Variants in PDCD10 observed in about 807,000 individuals in gnomAD.
The protein encoded by PDCD10 is programmed cell death protein 10.
PDCD10 carries 4 observed loss-of-function variants against 29.2 expected under a neutral mutation model. That is an observed-to-expected ratio of 0.14 (90% CI 0.07 to 0.31). The LOEUF is 0.31. Ranked by LOEUF, PDCD10 falls within the 10% of genes least tolerant of loss-of-function variation. PDCD10 has a pLI of 1.00. For synonymous variants in PDCD10, 70 were observed against 82.2 expected (o/e 0.85, Z 0.80); for missense variants, 183 against 257.9 (o/e 0.71, Z 1.99).
intron 2 of PDCD10, among the ~76,000 whole-genome samples, chr3:167,731,570 T>C (rs902094510): frequency 6.6e-6 from 1 of 152,220 alleles, no homozygotes; most frequent in African/African-American, 2.4e-5. Flanking sequence ...CCCAGAGAAG[T>C]GCTGGAAGCA....
intron 7 of PDCD10, 95 bp downstream of exon 7, chr3:167,687,520 A>G (rs1719747817): frequency 1.2e-6 from 1 of 824,936 alleles, no homozygotes; most frequent in African/African-American, 1.7e-5. Flanking sequence ...ACACAAAACT[A>G]TTTCCAACAA....
intron 2 of PDCD10, among the ~76,000 whole-genome samples, chr3:167,722,255 A>T (rs1270911175): frequency 6.6e-6 from 1 of 152,158 alleles, no homozygotes; most frequent in African/African-American, 2.4e-5. Context: ...AAAAAAAATT[A>T]TTTATTTAAT....
At chr3:167,717,804 T>A (rs1723167996) in intron 3 of PDCD10, among the ~76,000 whole-genome samples, 1 of 152,050 alleles carries the variant, frequency 6.6e-6, no homozygotes, top group Non-Finnish European at 1.5e-5. Context: ...ACAGAAATAA[T>A]TTTTTTAAAC....
chr3:167,696,650 A>C (rs1377687469), intron 5 of PDCD10, among the ~76,000 whole-genome samples: 1 of 152,154 alleles, frequency 6.6e-6, no homozygotes, highest in African/African-American at 2.4e-5. Context: ...AAACAACAAA[A>C]CAAAAACCTC....
intron 2 of PDCD10, among the ~76,000 whole-genome samples, chr3:167,733,768 C>T (rs569150528): frequency 5.9e-5 from 9 of 152,078 alleles, no homozygotes; most frequent in Non-Finnish European, 1.0e-4. Flanking sequence ...AAAGAATATT[C>T]TTCTAAGGAT....
At chr3:167,701,844 T>C (rs1398311824) in intron 4 of PDCD10, among the ~76,000 whole-genome samples, 1 of 152,078 alleles carries the variant, frequency 6.6e-6, no homozygotes, top group Non-Finnish European at 1.5e-5. Context: ...TGTGCATGAC[T>C]CCACAGGATT....
intron 2 of PDCD10, among the ~76,000 whole-genome samples, chr3:167,728,964 T>C (rs1724507999): frequency 6.6e-6 from 1 of 152,220 alleles, no homozygotes; most frequent in Non-Finnish European, 1.5e-5. Flanking sequence ...GGTGAACATT[T>C]GTTTGAAGAA....
intron 2 of PDCD10, among the ~76,000 whole-genome samples, chr3:167,733,869 T>TA (rs1172201907): frequency 6.6e-6 from 1 of 152,076 alleles, no homozygotes; most frequent in Non-Finnish European, 1.5e-5. Context: ...AATACACCCC[T>TA]AAAAAAAGGG....
At chr3:167,693,481 T>G (rs1427194730) in intron 6 of PDCD10, among the ~76,000 whole-genome samples, 1 of 152,152 alleles carries the variant, frequency 6.6e-6, no homozygotes, top group Admixed American at 6.5e-5. Context: ...TAATAGCATA[T>G]ACACTATATA....
rs1725156548 is a variant in PDCD10 at position 167,734,353 on chromosome 3, CAA to C, written c.-253-5_-253-4del. On this transcript the variant is annotated splice_polypyrimidine_tract_variant and splice_region_variant and intron_variant, in intron 1 of 8. Transcript: ENST00000392750. Reference sequence around the variant, plus strand: ...CCTTCTTCCAGTGCTCCTCTTCCCTCAAAGGGCATAACCCGAGTCACCCCCAA... The same window carrying C: ...CCTTCTTCCAGTGCTCCTCTTCCCTCAGGGCATAACCCGAGTCACCCCCAA... 2 of 152,746 alleles carry C rather than the reference CAA, an allele frequency of 1.3e-5. No homozygotes were observed. The highest frequency in any genetic ancestry group is 4.8e-5 in the African/African-American group (2 of 41,592). 9.5% of individuals were successfully genotyped at this position (152,746 alleles called of 1,614,324 possible). A position where few individuals can be genotyped will look rare whatever the true frequency, so the allele number is the denominator to read the frequency against.
At chr3:167,722,291 C>A (rs13083480) in intron 2 of PDCD10, among the ~76,000 whole-genome samples, 503 of 152,122 alleles carry the variant, frequency 3.3e-3, no homozygotes, top group South Asian at 6.0e-3. Flanking sequence ...CACAAAGAGG[C>A]ACGGTATTAA....
intron 3 of PDCD10, among the ~76,000 whole-genome samples, chr3:167,712,393 A>G (rs917155359): frequency 5.9e-5 from 9 of 152,086 alleles, no homozygotes; most frequent in Non-Finnish European, 4.4e-5. Flanking sequence ...ATAAGCTGAC[A>G]TCAGTTTGAA....
chr3:167,704,193 A>G (rs1011836138), intron 4 of PDCD10, among the ~76,000 whole-genome samples: 13 of 152,324 alleles, frequency 8.5e-5, no homozygotes, highest in African/African-American at 3.1e-4. Flanking sequence ...AATAGAAAGA[A>G]TACCTTTTCA....
chr3:167,709,141 T>C (rs1722281716), intron 3 of PDCD10, among the ~76,000 whole-genome samples: 3 of 151,172 alleles, frequency 2.0e-5, no homozygotes, highest in Admixed American at 2.0e-4. Context: ...TATTTTATCT[T>C]AACATGAAAA....
In PDCD10 at chr3:167,712,462, T is replaced by C. The variant is rs181392663; in HGVS notation, c.97-7567A>G. 4.0e-3 allele frequency among the ~76,000 whole-genome samples: 603 copies of C among 151,380 alleles called. 3 individuals are homozygous for C. The highest frequency in any genetic ancestry group is 6.5e-3 in the Non-Finnish European group (443 of 67,746). ...ATGATAACCTCGAAACAAAAAACAA[T>C]GTATACACCAAAAATAAAAAGCAAA... On this transcript the variant is annotated intron_variant, in intron 3 of 8. Transcript: ENST00000392750.
chr3:167,717,648 C>T (rs1723152727), intron 3 of PDCD10, among the ~76,000 whole-genome samples: 1 of 151,718 alleles, frequency 6.6e-6, no homozygotes, highest in Admixed American at 6.6e-5. Context: ...CTTTTTTAAC[C>T]AAACACCTCA....
At position 167,703,497 on chromosome 3, in the gene PDCD10, G is replaced by C. The variant is rs148500681; in HGVS notation, c.150+1345C>G. On this transcript the variant is annotated intron_variant, in intron 4 of 8. Transcript: ENST00000392750. Reference sequence around the variant, plus strand: ...AGAAAAGAGTGTTATCAATAAACTTGTGTGACATGGAAGAAATCAAGCAGA... The same window carrying C: ...AGAAAAGAGTGTTATCAATAAACTTCTGTGACATGGAAGAAATCAAGCAGA... Among the ~76,000 whole-genome samples, 542 of 152,058 alleles carry C rather than the reference G, an allele frequency of 3.6e-3. 5 individuals are homozygous for C. The highest frequency in any genetic ancestry group is 8.9e-3 in the Admixed American group (136 of 15,276).
At chr3:167,687,584 T>C (rs1376622569) in intron 7 of PDCD10, 31 bp downstream of exon 7, 8 of 1,214,412 alleles carry the variant, frequency 6.6e-6, no homozygotes, top group Non-Finnish European at 9.8e-6. Context: ...ACATCTAGGG[T>C]GTCAACTAGC....
chr3:167,684,283 G>A lies in PDCD10; in HGVS notation c.*25C>T, dbSNP rs1353981084. The A allele has an allele frequency of 7.6e-7, 1 of 1,316,150 alleles. No individual in the cohort carries two copies. Among genetic ancestry groups the A allele is most frequent in the African/African-American group, 1.4e-5 (1 of 69,160 alleles). 81.5% of individuals were successfully genotyped at this position (1,316,150 alleles called of 1,614,324 possible). On this transcript the variant is annotated 3_prime_UTR_variant, in exon 9 of 9. Coordinates refer to ENST00000392750, the MANE Select transcript of PDCD10 (RefSeq NM_007217.4). ...GGCAGTTCAATACTGCCACTGAGAA[G>A]TACATCTCTTAACATATACAACTTT...
Sources: allele counts gnomAD v4.1 joint callset (sites outside exome capture counted in the v4.1 genomes callset), GRCh38; gene constraint gnomAD v4.1.1; transcripts MANE v1.5; gene names NCBI Gene and HGNC (gene_info 2026-07-23, HGNC 2026-07-21).